COL19A1: variants seen among roughly 807,000 people sequenced by gnomAD.
The protein encoded by COL19A1 is collagen type XIX alpha 1 chain.
A neutral mutation model predicts 190.2 loss-of-function variants in COL19A1; 159 were observed. The ratio of observed to expected loss-of-function variants is 0.84; its 90% CI spans 0.73 to 0.95. The LOEUF is 0.95. COL19A1 is among the 40% of genes least tolerant of loss of function. The pLI is 0.00. For missense variants in COL19A1, 1,418 were observed against 1,431.9 expected (o/e 0.99, Z 0.16); for synonymous variants, 509 against 458.9 (o/e 1.11, Z -1.39).
chr6:70,016,366 T>TAAAAAAAAAAAAAAAAAA (rs752043571), intron 11 of COL19A1, among the ~76,000 whole-genome samples: 1 of 37,648 alleles, frequency 2.7e-5, no homozygotes, highest in African/African-American at 1.4e-4. Flanking sequence ...TAGAGTATAA[T>TAAAAAAAAAAAAAAAAAA]AAAAAAAAAA....
At chr6:70,106,367 GACA>G (rs780080472) in intron 16 of COL19A1, among the ~76,000 whole-genome samples, 46 of 148,818 alleles carry the variant, frequency 3.1e-4, no homozygotes, top group Middle Eastern at 6.8e-3. Flanking sequence ...TGTGTAAGAG[GACA>G]ACGTTTTGTC....
At chr6:70,101,677 G>T (rs1382329104) in intron 15 of COL19A1, among the ~76,000 whole-genome samples, 1 of 152,022 alleles carries the variant, frequency 6.6e-6, no homozygotes, top group African/African-American at 2.4e-5. Context: ...CAGATTCGTG[G>T]CTCCGACCCC....
chr6:69,929,758 TTA>T, intron 6 of COL19A1, 58 bp downstream of exon 6: 1 of 1,401,434 alleles, frequency 7.1e-7, no homozygotes, highest in Non-Finnish European at 9.7e-7. Context: ...AAAAAAAATC[TTA>T]TTAAAAACAT....
intron 9 of COL19A1, among the ~76,000 whole-genome samples, chr6:69,949,002 TA>T (rs772431632): frequency 9.2e-5 from 14 of 151,778 alleles, no homozygotes; most frequent in South Asian, 2.1e-4. Flanking sequence ...GCTAATATCA[TA>T]AAGAAGCAGC....
rs373767854 is a variant in COL19A1 at position 70,002,594 on chromosome 6, T to C, written c.1027-21033T>C. Among the ~76,000 whole-genome samples the C allele has an allele frequency of 4.6e-5, 7 of 150,620 alleles. No individual in the cohort carries two copies. In the East Asian group the frequency reaches 1.2e-3, roughly 25 times the overall value. On this transcript the variant is annotated intron_variant, in intron 11 of 50. Coordinates refer to ENST00000620364, the MANE Select transcript of COL19A1 (RefSeq NM_001858.6). ...TGGTTTAGTCTTGAAAGGGTGTTTTTTAAAATATATTTATATATATATATA... is the reference window on the plus strand; with the variant it reads ...TGGTTTAGTCTTGAAAGGGTGTTTTCTAAAATATATTTATATATATATATA...
intron 4 of COL19A1, among the ~76,000 whole-genome samples, chr6:69,920,507 C>T (rs1255363901): frequency 6.6e-6 from 1 of 152,124 alleles, no homozygotes; most frequent in African/African-American, 2.4e-5. Context: ...AGAGCTGGCT[C>T]CCTCCCTCAG....
intron 15 of COL19A1, among the ~76,000 whole-genome samples, chr6:70,074,784 T>C (rs1781782258): frequency 6.6e-6 from 1 of 152,224 alleles, no homozygotes; most frequent in Non-Finnish European, 1.5e-5. Flanking sequence ...TTCTTATCTT[T>C]ATGTGTCAAA....
chr6:69,968,524 C>A (rs955828576), intron 11 of COL19A1, among the ~76,000 whole-genome samples: 1 of 152,078 alleles, frequency 6.6e-6, no homozygotes, highest in African/African-American at 2.4e-5. Context: ...AATAATGTCA[C>A]CTGCAAGCAA....
At chr6:69,939,592 G>A (rs900210211) in intron 9 of COL19A1, among the ~76,000 whole-genome samples, 7 of 152,170 alleles carry the variant, frequency 4.6e-5, no homozygotes, top group African/African-American at 1.7e-4. Flanking sequence ...ATGTATCTGT[G>A]TTCTTTGATC....
At chr6:69,981,695 G>A (rs1038861993) in intron 11 of COL19A1, among the ~76,000 whole-genome samples, 18 of 151,434 alleles carry the variant, frequency 1.2e-4, no homozygotes, top group Non-Finnish European at 2.4e-4. Context: ...AATTTTGTAT[G>A]TGTTTTATAT....
Position 69,894,833 on chromosome 6 carries a change from C to T in COL19A1, c.92-4115C>T, listed in dbSNP as rs182701118. The stretch of plus-strand genomic sequence containing the variant: ...ACACCAGATTGGCCACAGCCCAAGA[C>T]TAGCCCCACAAATCCTGTTTCACAA... On this transcript the variant is annotated intron_variant, in intron 2 of 50. Coordinates refer to ENST00000620364, the MANE Select transcript of COL19A1 (RefSeq NM_001858.6). Among the ~76,000 whole-genome samples the T allele has an allele frequency of 2.0e-3, 298 of 152,306 alleles. 2 individuals are homozygous for T. Among genetic ancestry groups the T allele is most frequent in the African/African-American group, 7.0e-3 (290 of 41,558 alleles).
Position 70,209,246 on chromosome 6 carries a change from AT to A in COL19A1, c.*1974del, listed in dbSNP as rs1768056316. On this transcript the variant is annotated 3_prime_UTR_variant, in exon 51 of 51. Coordinates refer to ENST00000620364, the MANE Select transcript of COL19A1 (RefSeq NM_001858.6). ...CGCTTACAACTTATCTGCCACTCAT[AT>A]TAATTTACTTGAATTTGTCATAAAG... The A allele has an allele frequency of 6.6e-6, 1 of 152,570 alleles. No individual in the cohort carries two copies. Among genetic ancestry groups the A allele is most frequent in the Non-Finnish European group, 1.5e-5 (1 of 68,030 alleles). The allele number at this position is 152,570 out of a possible 1,614,324, so 9.5% of individuals were successfully genotyped here. A position where few individuals can be genotyped will look rare whatever the true frequency, so the allele number is the denominator to read the frequency against.
chr6:69,975,582 G>A (rs565400882), intron 11 of COL19A1, among the ~76,000 whole-genome samples: 1 of 152,290 alleles, frequency 6.6e-6, no homozygotes, highest in South Asian at 2.1e-4. Flanking sequence ...GCATTTACAT[G>A]TATACGTGCT....
At chr6:70,087,703 A>G (rs1012930766) in intron 15 of COL19A1, among the ~76,000 whole-genome samples, 2 of 152,190 alleles carry the variant, frequency 1.3e-5, no homozygotes, top group Non-Finnish European at 2.9e-5. Flanking sequence ...GAAAACTTCA[A>G]TTCTAACCTC....
intron 19 of COL19A1, among the ~76,000 whole-genome samples, chr6:70,139,696 A>G (rs1460586016): frequency 6.6e-6 from 1 of 152,076 alleles, no homozygotes; most frequent in Non-Finnish European, 1.5e-5. Context: ...CTGATCCCGA[A>G]TGGTAACTAA....
chr6:69,944,553 T>TA (rs1773673655), intron 9 of COL19A1, among the ~76,000 whole-genome samples: 1 of 152,118 alleles, frequency 6.6e-6, no homozygotes, highest in African/African-American at 2.4e-5. Flanking sequence ...TTTTTTCTTT[T>TA]AAAAAACAAA....
At chr6:70,203,757 G>C (rs565755787) in intron 49 of COL19A1, among the ~76,000 whole-genome samples, 1 of 152,204 alleles carries the variant, frequency 6.6e-6, no homozygotes, top group East Asian at 1.9e-4. Context: ...CAAGCACCAG[G>C]TTTCATCAAT....
At chr6:70,086,087 C>G (rs1782572018) in intron 15 of COL19A1, among the ~76,000 whole-genome samples, 1 of 152,054 alleles carries the variant, frequency 6.6e-6, no homozygotes, top group African/African-American at 2.4e-5. Flanking sequence ...AACACTAGAC[C>G]CCAGTATACA....
At chr6:70,001,050 G>A (rs1229615425) in intron 11 of COL19A1, among the ~76,000 whole-genome samples, 1 of 152,132 alleles carries the variant, frequency 6.6e-6, no homozygotes, top group Non-Finnish European at 1.5e-5. Context: ...TTTGTATAAG[G>A]TGTAAGAAAG....
Sources: allele counts gnomAD v4.1 joint callset (sites outside exome capture counted in the v4.1 genomes callset), GRCh38; gene constraint gnomAD v4.1.1; transcripts MANE v1.5; gene names NCBI Gene and HGNC (gene_info 2026-07-23, HGNC 2026-07-21).